Variants in OPTN observed in about 807,000 individuals in gnomAD.
OPTN encodes the protein optineurin.
A neutral mutation model predicts 70.4 loss-of-function variants in OPTN; 54 were observed. That is an observed-to-expected ratio of 0.77 (90% CI 0.62 to 0.96). OPTN has a LOEUF of 0.96. Ranked by LOEUF, OPTN falls within the 40% of genes least tolerant of loss-of-function variation. The pLI is 0.00. For synonymous variants in OPTN, 256 were observed against 248.5 expected (o/e 1.03, Z -0.28); for missense variants, 624 against 673.2 (o/e 0.93, Z 0.81).
rs1833370036 is a variant in OPTN, at chr10:13,122,413, AATCGTTCTG to A, written c.810_818del (p.Asn270_Glu273delinsLys). ...TTCAGATTTTGAAAAGAAAACAAGT[AATCGTTCTG>A]AGATTGAAACCCAGACAGAGGGGAG... On this transcript the variant is annotated inframe_deletion, in exon 8 of 15. Coordinates refer to ENST00000378747, the MANE Select transcript of OPTN (RefSeq NM_001008212.2). 1 of 1,613,738 alleles carries A rather than the reference AATCGTTCTG, an allele frequency of 6.2e-7. No individual in the cohort carries two copies. Among genetic ancestry groups the A allele is most frequent in the South Asian group, 1.1e-5 (1 of 91,070 alleles).
intron 5 of OPTN, among the ~76,000 whole-genome samples, chr10:13,115,442 A>T (rs1420899933): frequency 3.9e-5 from 4 of 103,330 alleles, no homozygotes; most frequent in African/African-American, 9.0e-5. Flanking sequence ...TAGAATATAT[A>T]TAATATATTC....
Position 13,112,485 on chromosome 10 carries a change from C to A in OPTN, c.402C>A (p.Ala134=), listed in dbSNP as rs113955718. Residue 134 remains alanine, a synonymous_variant, in exon 5 of 15, where the codon GCC becomes GCA. Transcript: ENST00000378747. ...DPTDDSRLPR[A]EAEQEKDQLR... Reference sequence around the variant, plus strand: ...CTGATGACTCCAGGCTTCCCAGGGCCGAAGCGGAGCAGGAAAAGGACCAGC... The same window carrying A: ...CTGATGACTCCAGGCTTCCCAGGGCAGAAGCGGAGCAGGAAAAGGACCAGC... 1.4e-3 allele frequency: 2,230 copies of A among 1,613,898 alleles called. 30 individuals are homozygous for A. In the African/African-American group the frequency reaches 0.025, roughly 18 times the overall value.
At chr10:13,107,983 A>G (rs568841840) in intron 1 of OPTN, among the ~76,000 whole-genome samples, 155 bp from the exon 2 acceptor site, 16 of 152,338 alleles carry the variant, frequency 1.1e-4, no homozygotes, top group African/African-American at 3.1e-4. Flanking sequence ...TTGCATTTCT[A>G]TGTCCACATG....
At chr10:13,109,573 T>C (rs974041111) in intron 3 of OPTN, 5 of 387,172 alleles carry the variant, frequency 1.3e-5, no homozygotes, top group South Asian at 5.1e-5. Flanking sequence ...TGCCTGTCAT[T>C]CCATCACTTT....
rs1833672752 is a variant in OPTN, at chr10:13,135,162, A to G, written c.1612+1581A>G. ...AAACAAACATTTTGAGAGCCAAACC[A>G]AAGTCTAGGCTGAGTCCAAAAAACC... On this transcript the variant is annotated intron_variant, in intron 14 of 14. Transcript: ENST00000378747. Among the ~76,000 whole-genome samples the G allele has an allele frequency of 2.6e-5, 4 of 152,244 alleles. No homozygotes were observed. In the South Asian group the frequency reaches 8.3e-4, roughly 31 times the overall value.
At chr10:13,131,926 A>T in intron 12 of OPTN, 141 bp from the exon 13 acceptor site, 1 of 772,518 alleles carries the variant, frequency 1.3e-6, no homozygotes, top group Non-Finnish European at 2.1e-6. Flanking sequence ...CATGGTCATT[A>T]TACTGTTTTC....
At chr10:13,101,616 C>A (rs953931107) in intron 1 of OPTN, among the ~76,000 whole-genome samples, 12 of 151,960 alleles carry the variant, frequency 7.9e-5, no homozygotes, top group African/African-American at 2.9e-4. Flanking sequence ...AAAAATTAAA[C>A]TTTTTTTTAA....
At position 13,115,657 on chromosome 10, in the gene OPTN, A is replaced by G. The variant is rs1484262939; in HGVS notation, c.553-610A>G. On this transcript the variant is annotated intron_variant, in intron 5 of 14. Coordinates refer to ENST00000378747, the MANE Select transcript of OPTN (RefSeq NM_001008212.2). ...CTAAATATATTATATATATATTTAT[A>G]CGTATATACCTAGAACTATCTTTGT... Among the ~76,000 whole-genome samples the G allele has an allele frequency of 2.9e-5, 4 of 140,304 alleles. No homozygotes were observed. The Admixed American group carries it at 3.2e-4, about 11-fold the overall frequency. The allele number at this position is 140,304 out of a possible 152,430, so 92.0% of individuals were successfully genotyped here.
At chr10:13,134,324 A>T (rs1041883259) in intron 14 of OPTN, among the ~76,000 whole-genome samples, 1 of 152,092 alleles carries the variant, frequency 6.6e-6, no homozygotes, top group Non-Finnish European at 1.5e-5. Flanking sequence ...ATCTCCATGA[A>T]CTGTTTCCAT....
At chr10:13,105,766 G>A (rs999025451) in intron 1 of OPTN, among the ~76,000 whole-genome samples, 6 of 152,074 alleles carry the variant, frequency 3.9e-5, no homozygotes, top group East Asian at 1.9e-4. Context: ...AAAATTAGCC[G>A]GGTGTGGTAG....
chr10:13,137,126 A>T lies in OPTN; in HGVS notation c.*260A>T. ...GAACCCTGTCTCTACCAAAATTACA[A>T]AAATTAGCCGAGCATGGTGGCGCAT... On this transcript the variant is annotated 3_prime_UTR_variant, in exon 15 of 15. Transcript: ENST00000378747. 2.1e-6 allele frequency: 1 copy of T among 474,726 alleles called. No homozygotes were observed. Among genetic ancestry groups the T allele is most frequent in the South Asian group, 2.0e-5 (1 of 49,178 alleles). 29.4% of individuals were successfully genotyped at this position (474,726 alleles called of 1,614,324 possible).
At chr10:13,119,562 A>G (rs1481281435) in intron 7 of OPTN, among the ~76,000 whole-genome samples, 2 of 152,180 alleles carry the variant, frequency 1.3e-5, no homozygotes, top group African/African-American at 2.4e-5. Flanking sequence ...TCTCTGGGGT[A>G]TATCGTTATG....
chr10:13,132,286 TAAG>T (rs1415035132), intron 13 of OPTN, 89 bp downstream of exon 13: 1 of 1,499,788 alleles, frequency 6.7e-7, no homozygotes, highest in Non-Finnish European at 9.2e-7. Flanking sequence ...ATTTGAACTA[TAAG>T]AATAGCTGTG....
In OPTN at chr10:13,100,233, C is replaced by A. The variant is rs1024111088; in HGVS notation, c.-233C>A. On this transcript the variant is annotated 5_prime_UTR_variant, in exon 1 of 15. Coordinates refer to ENST00000378747, the MANE Select transcript of OPTN (RefSeq NM_001008212.2). ...TCCCTGGTCAGCGTCCCATCCCGGT[C>A]GGGAGTTCTCTCCAGGCGGCACGAT... is the stretch of plus-strand genomic sequence containing the variant. The A allele has an allele frequency of 7.1e-5, 11 of 154,024 alleles. No homozygotes were observed. The South Asian group carries it at 1.3e-3, about 19-fold the overall frequency. The allele number at this position is 154,024 out of a possible 1,614,324, so 9.5% of individuals were successfully genotyped here. A position where few individuals can be genotyped will look rare whatever the true frequency, so the allele number is the denominator to read the frequency against.
intron 1 of OPTN, among the ~76,000 whole-genome samples, chr10:13,101,359 T>C (rs2131466418): frequency 6.6e-6 from 1 of 152,266 alleles, no homozygotes; most frequent in African/African-American, 2.4e-5. Flanking sequence ...TTAGGTTGCA[T>C]ATTATGCTAG....
In OPTN at chr10:13,110,098, G is replaced by C. The variant is rs1026148878; in HGVS notation, c.167-176G>C. ...ACTAGAAATGATGTTCATCCCGCTA[G>C]TCTTTTCTGTAAGCAAAAACCACTT... On this transcript the variant is annotated intron_variant, in intron 3 of 14. Coordinates refer to ENST00000378747, the MANE Select transcript of OPTN (RefSeq NM_001008212.2). 3.4e-5 allele frequency: 39 copies of C among 1,163,596 alleles called. No individual in the cohort carries two copies. The South Asian group carries it at 5.7e-4, about 17-fold the overall frequency. 72.1% of individuals were successfully genotyped at this position (1,163,596 alleles called of 1,614,324 possible).
chr10:13,115,528 T>C (rs1247805696), intron 5 of OPTN, among the ~76,000 whole-genome samples: 1 of 119,110 alleles, frequency 8.4e-6, no homozygotes, highest in African/African-American at 3.3e-5. Context: ...TATTCTATAA[T>C]ATATAATATA....
At chr10:13,111,965 A>G (rs76421222) in intron 4 of OPTN, among the ~76,000 whole-genome samples, 31,600 of 146,396 alleles carry the variant, frequency 0.22, 3,583 homozygotes, top group Admixed American at 0.28. Context: ...GTCCTGCCTC[A>G]GCCTCCCGAG....
chr10:13,132,133 G>A lies in OPTN; in HGVS notation c.1468G>A (p.Glu490Lys), dbSNP rs771943938. Reference sequence around the variant, plus strand: ...GAGAGAGAAAATTCATGAGGAAAAGGAGCAACTGGCATTGCAGCTGGCAGT... The same window carrying A: ...GAGAGAGAAAATTCATGAGGAAAAGAAGCAACTGGCATTGCAGCTGGCAGT... ...AAREKIHEEK[E>K]QLALQLAVLL... Residue 490 changes from glutamate (E) to lysine (K), a missense_variant, in exon 13 of 15, where the codon GAG (glutamate) becomes AAG (lysine). Physicochemically the swap from Glu to Lys is moderately conservative, Grantham distance 56 (BLOSUM62 1). Coordinates refer to ENST00000378747, the MANE Select transcript of OPTN (RefSeq NM_001008212.2). 1.9e-6 allele frequency: 3 copies of A among 1,613,706 alleles called. No homozygotes were observed. The highest frequency in any genetic ancestry group is 1.7e-5 in the Admixed American group (1 of 60,016).
Sources: allele counts gnomAD v4.1 joint callset (sites outside exome capture counted in the v4.1 genomes callset), GRCh38; gene constraint gnomAD v4.1.1; transcripts MANE v1.5; gene names NCBI Gene and HGNC (gene_info 2026-07-23, HGNC 2026-07-21).